Variants in NKD1 observed in about 807,000 individuals in gnomAD.
NKD1 encodes protein naked cuticle homolog 1.
NKD1 carries 21 observed loss-of-function variants against 56.0 expected under a neutral mutation model. That is an observed-to-expected ratio of 0.38 (90% CI 0.27 to 0.54). The LOEUF is 0.54. NKD1 is among the 20% of genes least tolerant of loss of function. NKD1 has a pLI of 0.82. For missense variants in NKD1, 578 were observed against 642.7 expected, an observed-to-expected ratio of 0.90 and a Z score of 1.09; for synonymous variants, 263 against 265.7, an observed-to-expected ratio of 0.99 and a Z score of 0.10.
chr16:50,581,569 A>G (rs1333975686), intron 3 of NKD1, among the ~76,000 whole-genome samples: 1 of 152,212 alleles, frequency 6.6e-6, no homozygotes, highest in Non-Finnish European at 1.5e-5. Context: ...TCCCTTTGCT[A>G]AGGCTTTGCC....
chr16:50,573,129 A>G (rs998395589), intron 3 of NKD1, among the ~76,000 whole-genome samples: 2 of 152,194 alleles, frequency 1.3e-5, no homozygotes, highest in East Asian at 1.9e-4. Flanking sequence ...GGCTGCTCTT[A>G]TGACTAATTA....
chr16:50,592,814 G>A (rs529694443), intron 3 of NKD1, among the ~76,000 whole-genome samples: 1 of 152,240 alleles, frequency 6.6e-6, no homozygotes, highest in Admixed American at 6.5e-5. Context: ...ATGGGCTGTG[G>A]GGGAGGGCTA....
At chr16:50,560,015 C>T (rs1158492215) in intron 3 of NKD1, among the ~76,000 whole-genome samples, 1 of 152,142 alleles carries the variant, frequency 6.6e-6, no homozygotes, top group Non-Finnish European at 1.5e-5. Context: ...TTTGGGGGTG[C>T]TGGTGTGTGG....
intron 4 of NKD1, among the ~76,000 whole-genome samples, chr16:50,610,471 G>A (rs1227604807): frequency 6.6e-6 from 1 of 152,188 alleles, no homozygotes; most frequent in African/African-American, 2.4e-5. Context: ...CGCGTGGCCA[G>A]GTCTGGTGAG....
chr16:50,642,669 GA>G lies in NKD1; in HGVS notation c.*8889del, dbSNP rs1344531939. 6.6e-6 allele frequency: 1 copy of G among 152,246 alleles called. No homozygotes were observed. Among genetic ancestry groups the G allele is most frequent in the Non-Finnish European group, 1.5e-5 (1 of 68,070 alleles). 9.4% of individuals were successfully genotyped at this position (152,246 alleles called of 1,614,324 possible). On this transcript the variant is annotated 3_prime_UTR_variant, in exon 10 of 10. Coordinates refer to ENST00000268459, the MANE Select transcript of NKD1 (RefSeq NM_033119.5). ...AGAGCCTGGCACGTAATAGGCCCTC[GA>G]TAAGTAAAACAGCAACAGTAGCTGC...
rs1962456141 is a variant in NKD1 at position 50,635,928 on chromosome 16, A to C, written c.*2147A>C. 6.6e-6 allele frequency: 1 copy of C among 152,266 alleles called. No individual in the cohort carries two copies. Among genetic ancestry groups the C allele is most frequent in the African/African-American group, 2.4e-5 (1 of 41,474 alleles). 9.4% of individuals were successfully genotyped at this position (152,266 alleles called of 1,614,324 possible). A position where few individuals can be genotyped will look rare whatever the true frequency, so the allele number is the denominator to read the frequency against. Reference sequence around the variant, plus strand: ...ATGACAGGGTCCAGGATGTGAATGCAGCTGAGACTGGTTCTTGTCCCTCCC... The same window carrying C: ...ATGACAGGGTCCAGGATGTGAATGCCGCTGAGACTGGTTCTTGTCCCTCCC... On this transcript the variant is annotated 3_prime_UTR_variant, in exon 10 of 10. Transcript: ENST00000268459. This position sits in a 1 kb window ranked among gnomAD's most constrained non-coding sequence, Gnocchi z 4.1.
intron 4 of NKD1, among the ~76,000 whole-genome samples, chr16:50,611,294 C>T (rs538330579): frequency 1.3e-5 from 2 of 152,330 alleles, no homozygotes; most frequent in African/African-American, 2.4e-5. Flanking sequence ...GGCCTTTGCT[C>T]GTTGTCTCTC....
At chr16:50,563,344 A>G (rs1034262264) in intron 3 of NKD1, among the ~76,000 whole-genome samples, 4 of 149,690 alleles carry the variant, frequency 2.7e-5, no homozygotes, top group African/African-American at 5.0e-5. Flanking sequence ...GCTAAACTCC[A>G]TCCTCAATGG....
chr16:50,591,116 C>A (rs1168386928), intron 3 of NKD1, among the ~76,000 whole-genome samples: 2 of 152,178 alleles, frequency 1.3e-5, no homozygotes, highest in African/African-American at 4.8e-5. Flanking sequence ...AGTCACTGTG[C>A]CCGGCCAGAA....
At chr16:50,562,601 A>G (rs1404718732) in intron 3 of NKD1, among the ~76,000 whole-genome samples, 1 of 152,190 alleles carries the variant, frequency 6.6e-6, no homozygotes, top group Non-Finnish European at 1.5e-5. Flanking sequence ...GATGCGGCCG[A>G]GGACCACCTA....
chr16:50,636,529 T>G lies in NKD1; in HGVS notation c.*2748T>G, dbSNP rs1170726382. ...TGTGGCCTAGGGCCCCTCAGTGTAATGTAGGGGTTGTGAGCACAGACTTTG... is the reference window on the plus strand; with the variant it reads ...TGTGGCCTAGGGCCCCTCAGTGTAAGGTAGGGGTTGTGAGCACAGACTTTG... On this transcript the variant is annotated 3_prime_UTR_variant, in exon 10 of 10. Transcript: ENST00000268459. The G allele has an allele frequency of 6.6e-6, 1 of 152,150 alleles. No homozygotes were observed. The highest frequency in any genetic ancestry group is 2.4e-5 in the African/African-American group (1 of 41,436). The allele number at this position is 152,150 out of a possible 1,614,324, so 9.4% of individuals were successfully genotyped here. A position where few individuals can be genotyped will look rare whatever the true frequency, so the allele number is the denominator to read the frequency against.
chr16:50,621,665 T>G lies in NKD1; in HGVS notation c.323T>G (p.Val108Gly). Residue 108 changes from valine (V) to glycine (G), a missense_variant, in exon 5 of 10, where the codon GTG becomes GGG. By Grantham distance (109) the Val-to-Gly change is moderately radical (BLOSUM62 -3). Transcript: ENST00000268459. ...GGAGATGAGAAGAAGATGGAGAGAG[T>G]GAGCGAACCCTGCCCAGGCTCCAAG... ...GSGDEKKMER[V>G]SEPCPGSKKQ... is the part of the protein sequence containing the mutation. 1 of 1,613,694 alleles carries G rather than the reference T, an allele frequency of 6.2e-7. No homozygotes were observed. The highest frequency in any genetic ancestry group is 8.5e-7 in the Non-Finnish European group (1 of 1,179,828).
chr16:50,621,886 C>A lies in NKD1; in HGVS notation c.366+178C>A, dbSNP rs1596751460. On this transcript the variant is annotated intron_variant, in intron 5 of 9. Transcript: ENST00000268459. ...TGGGGCCGTCCTGGCTCAGGGCAGACCCCAGGGACTCACCGCTGCCCACCC... is the reference window on the plus strand; with the variant it reads ...TGGGGCCGTCCTGGCTCAGGGCAGAACCCAGGGACTCACCGCTGCCCACCC... Among the ~76,000 whole-genome samples, 6 of 152,326 alleles carry A rather than the reference C, an allele frequency of 3.9e-5. No homozygotes were observed. The South Asian group carries it at 1.2e-3, about 32-fold the overall frequency.
chr16:50,587,579 A>G (rs1028526562), intron 3 of NKD1, among the ~76,000 whole-genome samples: 1 of 152,220 alleles, frequency 6.6e-6, no homozygotes, highest in Non-Finnish European at 1.5e-5. Flanking sequence ...GATCTGAAAG[A>G]AGGTGTGGGT....
rs1312249848 is a variant in NKD1, at chr16:50,633,752, C to T, written c.1384C>T (p.His462Tyr). The change falls in exon 10 of 10, where the codon CAC becomes TAC. Residue 462 changes from histidine to tyrosine, a missense_variant. By Grantham distance (83) the His-to-Tyr change is moderately conservative. Transcript: ENST00000268459. This position sits in a 1 kb window ranked among gnomAD's most constrained non-coding sequence, Gnocchi z 4.9. Reference protein sequence around the residue: ...HEHHHHHEHHHHYHHFYQT With the variant: ...HEHHHHHEHHYHYHHFYQT ...GCACCACCACCACCATGAACATCAC[C>T]ACCATTACCACCACTTCTACCAGAC... is the stretch of plus-strand genomic sequence containing the variant. The T allele has an allele frequency of 3.3e-6, 5 of 1,514,922 alleles. No individual in the cohort carries two copies. The allele number at this position is 1,514,922 out of a possible 1,614,324, so 93.8% of individuals were successfully genotyped here.
At chr16:50,620,709 A>G (rs957227489) in intron 4 of NKD1, among the ~76,000 whole-genome samples, 5 of 152,202 alleles carry the variant, frequency 3.3e-5, no homozygotes, top group African/African-American at 1.2e-4. Flanking sequence ...CTTATGGGAC[A>G]TTCCAAGAAT....
At chr16:50,575,012 C>T in intron 3 of NKD1, 1 of 985,132 alleles carries the variant, frequency 1.0e-6, no homozygotes, top group East Asian at 1.1e-4. Context: ...TGATTTAATA[C>T]AGCTTGAATA....
intron 4 of NKD1, among the ~76,000 whole-genome samples, chr16:50,620,823 A>T (rs889184232): frequency 6.6e-6 from 1 of 151,872 alleles, no homozygotes; most frequent in African/African-American, 2.4e-5. Flanking sequence ...TTTCACACTC[A>T]CCCTCCCACA....
At chr16:50,618,032 A>C (rs1425630368) in intron 4 of NKD1, among the ~76,000 whole-genome samples, 1 of 152,152 alleles carries the variant, frequency 6.6e-6, no homozygotes, top group African/African-American at 2.4e-5. Flanking sequence ...TGTCCCAATA[A>C]AACTTTATTT....
Sources: allele counts gnomAD v4.1 joint callset (sites outside exome capture counted in the v4.1 genomes callset), GRCh38; gene constraint gnomAD v4.1.1; non-coding constraint Gnocchi (gnomAD v3.1); transcripts MANE v1.5; gene names NCBI Gene and HGNC (gene_info 2026-07-23, HGNC 2026-07-21).